SORCS3: variants seen among roughly 807,000 people sequenced by gnomAD.
SORCS3 encodes VPS10 domain-containing receptor SorCS3.
In SORCS3, 57 loss-of-function variants were observed where a neutral mutation model predicts 146.3. That is an observed-to-expected ratio of 0.39 (90% confidence interval 0.31 to 0.49). SORCS3 has a LOEUF of 0.49. Ranked by LOEUF, SORCS3 falls within the 20% of genes least tolerant of loss-of-function variation. The probability of loss-of-function intolerance (pLI) is 0.92; values close to 1 mark genes in which losing one functional copy is unlikely to be tolerated. For synonymous variants in SORCS3, 653 were observed against 618.5 expected, an observed-to-expected ratio of 1.06 and a Z score of -0.83; for missense variants, 1,341 against 1,575.5, an observed-to-expected ratio of 0.85 and a Z score of 2.52.
chr10:105,143,008 G>A (rs12769534), intron 8 of SORCS3, among the ~76,000 whole-genome samples: 19,425 of 152,106 alleles, frequency 0.13, 1,632 homozygotes, highest in Middle Eastern at 0.19. Flanking sequence ...TCTCAAAAGA[G>A]TTATCTGTAA....
chr10:105,150,993 T>G (rs1248262879), intron 9 of SORCS3, among the ~76,000 whole-genome samples: 1 of 152,180 alleles, frequency 6.6e-6, no homozygotes, highest in Admixed American at 6.5e-5. Flanking sequence ...TTCAGCTAAA[T>G]TAGCACACTT....
chr10:104,990,100 C>G (rs1250435776), intron 4 of SORCS3, among the ~76,000 whole-genome samples: 1 of 152,164 alleles, frequency 6.6e-6, no homozygotes, highest in Non-Finnish European at 1.5e-5. Flanking sequence ...CCTCTGGAGG[C>G]TACTCTACCC....
chr10:104,923,287 A>G (rs1476374964), intron 3 of SORCS3, among the ~76,000 whole-genome samples: 2 of 152,152 alleles, frequency 1.3e-5, no homozygotes, highest in Non-Finnish European at 1.5e-5. Flanking sequence ...GTCCTTAGGA[A>G]GTGTAATCCT....
intron 25 of SORCS3, among the ~76,000 whole-genome samples, chr10:105,260,359 G>A (rs1487849011): frequency 3.9e-5 from 6 of 152,164 alleles, no homozygotes; most frequent in African/African-American, 1.4e-4. Context: ...TGATTGGGAG[G>A]AATCTCAGTT....
At chr10:105,176,624 G>A (rs1048015062) in intron 13 of SORCS3, among the ~76,000 whole-genome samples, 1 of 152,028 alleles carries the variant, frequency 6.6e-6, no homozygotes, top group Non-Finnish European at 1.5e-5. Context: ...GGGAGGCCTA[G>A]GTGGGTGGGT....
intron 14 of SORCS3, among the ~76,000 whole-genome samples, chr10:105,179,607 A>G (rs951354455): frequency 1.3e-5 from 2 of 152,206 alleles, no homozygotes; most frequent in Non-Finnish European, 2.9e-5. Flanking sequence ...CTGTTTTCAC[A>G]TTTTGTTAAA....
chr10:105,056,927 T>G (rs928116201), intron 5 of SORCS3, among the ~76,000 whole-genome samples: 5 of 152,202 alleles, frequency 3.3e-5, no homozygotes, highest in Non-Finnish European at 7.3e-5. Context: ...TATGACTATT[T>G]TACATCTTTT....
intron 1 of SORCS3, among the ~76,000 whole-genome samples, chr10:104,837,390 T>C (rs1335549693): frequency 1.3e-5 from 2 of 152,244 alleles, no homozygotes; most frequent in Non-Finnish European, 2.9e-5. Flanking sequence ...CACACACACA[T>C]ATAGAGACAG....
At chr10:104,781,578 A>T (rs776336165) in intron 1 of SORCS3, among the ~76,000 whole-genome samples, 37 of 152,234 alleles carry the variant, frequency 2.4e-4, no homozygotes, top group Non-Finnish European at 4.7e-4. Context: ...ACACACAAAT[A>T]TGTGTACACA....
chr10:104,895,547 G>T (rs901409876), intron 2 of SORCS3, among the ~76,000 whole-genome samples: 5 of 152,160 alleles, frequency 3.3e-5, no homozygotes, highest in South Asian at 4.1e-4. Context: ...GACTGCTCCA[G>T]CATCCCTCAG....
intron 1 of SORCS3, among the ~76,000 whole-genome samples, chr10:104,776,260 C>G (rs1445519021): frequency 6.6e-6 from 1 of 152,110 alleles, no homozygotes; most frequent in Non-Finnish European, 1.5e-5. Context: ...CTGGAAGAAG[C>G]AAGCTCTGAG....
At chr10:105,239,857 A>G (rs994309900) in intron 20 of SORCS3, among the ~76,000 whole-genome samples, 7 of 152,252 alleles carry the variant, frequency 4.6e-5, no homozygotes, top group Admixed American at 4.6e-4. Context: ...GAAGAACTCA[A>G]GAATCCTGTT....
chr10:105,223,349 T>A, intron 20 of SORCS3, 100 bp downstream of exon 20: 1 of 1,234,492 alleles, frequency 8.1e-7, no homozygotes, highest in South Asian at 2.2e-5. Context: ...ATGCAGGCAA[T>A]AAGAGGTACT....
At chr10:105,049,840 T>C (rs1408091927) in intron 5 of SORCS3, among the ~76,000 whole-genome samples, 1 of 152,074 alleles carries the variant, frequency 6.6e-6, no homozygotes. Flanking sequence ...AAGGGCTGAA[T>C]AACTACCTAT....
intron 2 of SORCS3, among the ~76,000 whole-genome samples, chr10:104,899,755 G>T (rs980136800): frequency 6.6e-6 from 1 of 152,140 alleles, no homozygotes; most frequent in African/African-American, 2.4e-5. Context: ...TGAACATCTT[G>T]CCATCATCCT....
intron 1 of SORCS3, among the ~76,000 whole-genome samples, chr10:104,694,128 G>A (rs1176949747): frequency 6.6e-6 from 1 of 150,536 alleles, no homozygotes; most frequent in Non-Finnish European, 1.5e-5. Context: ...CTGCTTGATA[G>A]ATTGCTTTCC....
chr10:104,875,823 G>A (rs1018720178), intron 2 of SORCS3, among the ~76,000 whole-genome samples: 11 of 152,136 alleles, frequency 7.2e-5, no homozygotes, highest in African/African-American at 1.9e-4. Flanking sequence ...CTGATGGCTA[G>A]TGCAAAGCTT....
At chr10:104,789,907 C>T (rs149895380) in intron 1 of SORCS3, among the ~76,000 whole-genome samples, 5 of 152,274 alleles carry the variant, frequency 3.3e-5, no homozygotes, top group Non-Finnish European at 5.9e-5. Flanking sequence ...TCCCAGTGTG[C>T]AACTTTGTTG....
intron 8 of SORCS3, among the ~76,000 whole-genome samples, chr10:105,140,469 G>GA (rs1194980392): frequency 6.6e-6 from 1 of 151,770 alleles, no homozygotes; most frequent in African/African-American, 2.4e-5. Flanking sequence ...TTATGTTCTG[G>GA]AAAAAAAAGA....
Sources: gnomAD v4.1 joint callset for allele counts (sites outside exome capture counted in the v4.1 genomes callset) on GRCh38, gnomAD v4.1.1 for gene constraint, MANE v1.5 for transcripts, NCBI Gene and HGNC (gene_info 2026-07-23, HGNC 2026-07-21) for gene names.